PNPLA8: variants seen among roughly 807,000 people sequenced by gnomAD.
PNPLA8 encodes patatin like domain 8, phospholipase A2, also known as calcium-independent phospholipase A2-gamma.
PNPLA8 carries 39 observed loss-of-function variants against 76.9 expected under a neutral mutation model. The observed-to-expected ratio is 0.51, with a 90% CI of 0.39 to 0.66. The LOEUF (loss-of-function observed/expected upper bound fraction) is 0.66, where lower values mean the gene tolerates loss of function less well. Ranked by LOEUF, PNPLA8 falls within the 30% of genes least tolerant of loss-of-function variation. The pLI is 0.00. For missense variants in PNPLA8, 887 were observed against 918.0 expected, an observed-to-expected ratio of 0.97 and a Z score of 0.44; for synonymous variants, 301 against 307.9, an observed-to-expected ratio of 0.98 and a Z score of 0.24.
rs554763304 is a variant in PNPLA8, at chr7:108,495,916, A to G, written c.1625+668T>C. On this transcript the variant is annotated intron_variant, in intron 7 of 10. Coordinates refer to ENST00000257694, the MANE Select transcript of PNPLA8 (RefSeq NM_001256007.3). ...CAGCTATACAAAATGTATAAGGTCT[A>G]ATAAACTAGAAGGAGATATATTAAA... Among the ~76,000 whole-genome samples the G allele has an allele frequency of 3.9e-5, 6 of 152,366 alleles. No individual in the cohort carries two copies. The East Asian group carries it at 1.2e-3, about 29-fold the overall frequency.
chr7:108,518,322 T>A (rs1186578813), intron 2 of PNPLA8: 1 of 152,146 alleles, frequency 6.6e-6, no homozygotes, highest in African/African-American at 2.4e-5. Flanking sequence ...AGTAAAAAGA[T>A]CAGCTGTTGC....
chr7:108,472,668 A>G lies in PNPLA8; in HGVS notation c.2082T>C (p.His694=). The change falls in exon 11 of 11, where the codon CAT becomes CAC. Residue 694 remains histidine, a synonymous_variant. Coordinates refer to ENST00000257694, the MANE Select transcript of PNPLA8 (RefSeq NM_001256007.3). ...INSATDTEEV[H]IMLDGLLPPD... Reference sequence around the variant, plus strand: ...GAGGTAACAGGCCATCAAGCATTATATGGACTTCTGTTAAAGCAAAAAAGA... The same window carrying G: ...GAGGTAACAGGCCATCAAGCATTATGTGGACTTCTGTTAAAGCAAAAAAGA... The G allele has an allele frequency of 6.4e-7, 1 of 1,573,760 alleles. No individual in the cohort carries two copies. Among genetic ancestry groups the G allele is most frequent in the Non-Finnish European group, 8.6e-7 (1 of 1,166,304 alleles).
Position 108,514,596 on chromosome 7 carries a change from T to G in PNPLA8, c.896A>C (p.Gln299Pro). 6.2e-7 allele frequency: 1 copy of G among 1,614,104 alleles called. No homozygotes were observed. The highest frequency in any genetic ancestry group is 8.5e-7 in the Non-Finnish European group (1 of 1,179,982). ...ACCAATATAACCACCTACTAAAGCTTGTACACCTTCCGTGGGACGAGAAAG... is the reference window on the plus strand; with the variant it reads ...ACCAATATAACCACCTACTAAAGCTGGTACACCTTCCGTGGGACGAGAAAG... Reference protein sequence around the residue: ...NFLSRPTEGVQALVGGYIGGL... With the variant: ...NFLSRPTEGVPALVGGYIGGL... The change falls in exon 3 of 11, where the codon CAA becomes CCA. Residue 299 changes from glutamine (Q) to proline (P), a missense_variant. Coordinates refer to ENST00000257694, the MANE Select transcript of PNPLA8 (RefSeq NM_001256007.3).
chr7:108,510,658 G>A, intron 4 of PNPLA8: 9 of 1,590,818 alleles, frequency 5.7e-6, no homozygotes, highest in Non-Finnish European at 7.7e-6. Context: ...TTGCATGGGG[G>A]TACCCCAATC....
rs1446240032 is a variant in PNPLA8, at chr7:108,471,797, A to T, written c.*604T>A. 2.6e-5 allele frequency: 4 copies of T among 152,220 alleles called. No individual in the cohort carries two copies. The highest frequency in any genetic ancestry group is 5.9e-5 in the Non-Finnish European group (4 of 68,038). The allele number at this position is 152,220 out of a possible 1,614,324, so 9.4% of individuals were successfully genotyped here. The stretch of plus-strand genomic sequence containing the variant: ...GACTGGAACTTCACCTTTTTTAACC[A>T]AACAATGTTAAAATAAACATATCTG... On this transcript the variant is annotated 3_prime_UTR_variant, in exon 11 of 11. Transcript: ENST00000257694.
At chr7:108,489,901 A>T (rs1256227877) in intron 8 of PNPLA8, among the ~76,000 whole-genome samples, 1 of 152,230 alleles carries the variant, frequency 6.6e-6, no homozygotes, top group Non-Finnish European at 1.5e-5. Context: ...ATAAATGAAG[A>T]GCCACATTGA....
chr7:108,493,842 T>C (rs1460856347), intron 7 of PNPLA8, among the ~76,000 whole-genome samples: 1 of 151,860 alleles, frequency 6.6e-6, no homozygotes, highest in East Asian at 1.9e-4. Context: ...TAAATGAAAA[T>C]TGTGTAAAAG....
chr7:108,514,701 T>C lies in PNPLA8; in HGVS notation c.791A>G (p.His264Arg). The C allele has an allele frequency of 1.2e-6, 2 of 1,614,134 alleles. No homozygotes were observed. Among genetic ancestry groups the C allele is most frequent in the South Asian group, 2.2e-5 (2 of 91,084 alleles). ...LAYKPGSESV[H>R]TVDKPTSPSA... ...AGGACTTGTAGGCTTGTCCACCGTA[T>C]GTACAGATTCTGAGCCTGGCTTATA... Residue 264 changes from histidine to arginine, a missense_variant, in exon 3 of 11, where the codon CAT (histidine) becomes CGT (arginine). His to Arg is a conservative substitution (Grantham distance 29). Coordinates refer to ENST00000257694, the MANE Select transcript of PNPLA8 (RefSeq NM_001256007.3).
At chr7:108,479,778 T>A (rs974395895) in intron 9 of PNPLA8, among the ~76,000 whole-genome samples, 1 of 152,194 alleles carries the variant, frequency 6.6e-6, no homozygotes, top group African/African-American at 2.4e-5. Flanking sequence ...TAAAACCAAA[T>A]AATTCTAAGT....
At chr7:108,506,017 A>G (rs1678022820) in intron 4 of PNPLA8, among the ~76,000 whole-genome samples, 1 of 152,232 alleles carries the variant, frequency 6.6e-6, no homozygotes, top group African/African-American at 2.4e-5. Flanking sequence ...CATAGCTATC[A>G]ATGAAATAAA....
chr7:108,501,940 A>G (rs1207400130), intron 5 of PNPLA8, among the ~76,000 whole-genome samples: 2 of 152,184 alleles, frequency 1.3e-5, no homozygotes, highest in African/African-American at 2.4e-5. Context: ...CCAAATATAA[A>G]AATATAAATA....
At chr7:108,480,461 C>T (rs1211402861) in intron 9 of PNPLA8, among the ~76,000 whole-genome samples, 1 of 152,190 alleles carries the variant, frequency 6.6e-6, no homozygotes, top group Non-Finnish European at 1.5e-5. Flanking sequence ...TCCTGTTCAG[C>T]TCCCATCCAT....
intron 7 of PNPLA8, among the ~76,000 whole-genome samples, chr7:108,493,529 C>A (rs968989873): frequency 1.3e-5 from 2 of 150,500 alleles, no homozygotes; most frequent in African/African-American, 4.9e-5. Context: ...CTCAGCCTCC[C>A]CAGTAGCTGG....
At chr7:108,526,278 C>T (rs537730653), upstream of PNPLA8, 215 of 161,500 alleles carry the variant, frequency 1.3e-3, no homozygotes, top group African/African-American at 4.9e-3. Context: ...TGTCAATCTC[C>T]GTTCCTCCCC....
chr7:108,502,669 T>A, intron 4 of PNPLA8, 27 bp from the exon 5 acceptor site: 1 of 1,567,072 alleles, frequency 6.4e-7, no homozygotes, highest in Non-Finnish European at 8.8e-7. Flanking sequence ...GATACTTTGT[T>A]GCTTTTGTCA....
chr7:108,499,841 T>C (rs1861816322), intron 5 of PNPLA8, among the ~76,000 whole-genome samples: 1 of 152,178 alleles, frequency 6.6e-6, no homozygotes, highest in African/African-American at 2.4e-5. Context: ...AAACTATTTA[T>C]TGGATACAAA....
intron 4 of PNPLA8, chr7:108,510,230 A>G (rs1862805888): frequency 7.7e-7 from 1 of 1,290,336 alleles, no homozygotes; most frequent in East Asian, 2.3e-5. Flanking sequence ...TCCGGCTGGA[A>G]CCATGGTGGG....
At chr7:108,501,141 G>A (rs1861906677) in intron 5 of PNPLA8, among the ~76,000 whole-genome samples, 1 of 152,170 alleles carries the variant, frequency 6.6e-6, no homozygotes, top group African/African-American at 2.4e-5. Flanking sequence ...AGCAAAATCA[G>A]AGAGGTAAGC....
chr7:108,490,423 T>C (rs575242687), intron 8 of PNPLA8, among the ~76,000 whole-genome samples: 17 of 152,314 alleles, frequency 1.1e-4, no homozygotes, highest in Middle Eastern at 6.8e-3. Context: ...TCAGAATGTA[T>C]CCCTATCATT....
Sources: gnomAD v4.1 joint callset for allele counts (sites outside exome capture counted in the v4.1 genomes callset) on GRCh38, gnomAD v4.1.1 for gene constraint, MANE v1.5 for transcripts, NCBI Gene and HGNC (gene_info 2026-07-23, HGNC 2026-07-21) for gene names.